BCAS3: variants seen among roughly 807,000 people sequenced by gnomAD.
BCAS3 encodes BCAS4/BCAS3 fusion.
BCAS3 carries 53 observed loss-of-function variants against 116.1 expected under a neutral mutation model. The ratio of observed to expected loss-of-function variants is 0.46; its 90% CI spans 0.37 to 0.57. The LOEUF is 0.57. Ranked by LOEUF, BCAS3 falls within the 20% of genes least tolerant of loss-of-function variation. The pLI, the probability that BCAS3 is intolerant of heterozygous loss-of-function variation, is 0.00. For missense variants in BCAS3, 917 were observed against 1,165.4 expected, an observed-to-expected ratio of 0.79 and a Z score of 3.10; for synonymous variants, 391 against 408.2, an observed-to-expected ratio of 0.96 and a Z score of 0.51.
At chr17:61,182,529 A>G (rs1225372091) in intron 22 of BCAS3, among the ~76,000 whole-genome samples, 2 of 152,176 alleles carry the variant, frequency 1.3e-5, no homozygotes, top group Non-Finnish European at 2.9e-5. Flanking sequence ...TATAATTTAC[A>G]TACAATACAA....
intron 22 of BCAS3, among the ~76,000 whole-genome samples, chr17:61,138,320 A>G (rs1332703195): frequency 1.3e-5 from 2 of 152,228 alleles, no homozygotes; most frequent in Non-Finnish European, 1.5e-5. Context: ...CACAAACTTA[A>G]GTTTATCCCC....
chr17:61,077,790 G>T lies in BCAS3; in HGVS notation c.2131-543G>T, dbSNP rs1313424693. Among the ~76,000 whole-genome samples the T allele has an allele frequency of 6.6e-6, 1 of 152,102 alleles. No homozygotes were observed. Among genetic ancestry groups the T allele is most frequent in the African/African-American group, 2.4e-5 (1 of 41,424 alleles). On this transcript the variant is annotated intron_variant, in intron 20 of 23. Transcript: ENST00000407086. The surrounding 1 kb of genome is among the most constrained non-coding windows in gnomAD (Gnocchi z 4.3). ...ATAATAAATATTATAATATTTTATT[G>T]TGGAAATAAAGTGGCTTTGGGCATT...
At chr17:60,726,628 G>T (rs935516938) in intron 5 of BCAS3, among the ~76,000 whole-genome samples, 3 of 151,734 alleles carry the variant, frequency 2.0e-5, no homozygotes, top group African/African-American at 7.3e-5. Flanking sequence ...TCCTGCCTCA[G>T]CCTCCCGAGT....
chr17:60,721,039 T>G (rs997188341), intron 5 of BCAS3, among the ~76,000 whole-genome samples: 7 of 152,180 alleles, frequency 4.6e-5, no homozygotes, highest in Non-Finnish European at 1.0e-4. Context: ...CACTAAAAGC[T>G]TTAGAGCAAA....
chr17:60,701,420 C>T (rs569335378), intron 4 of BCAS3, among the ~76,000 whole-genome samples: 3 of 152,080 alleles, frequency 2.0e-5, no homozygotes, highest in Middle Eastern at 3.4e-3. Flanking sequence ...GTAACCAACA[C>T]CAAAAAAATA....
intron 8 of BCAS3, among the ~76,000 whole-genome samples, chr17:60,873,385 CT>C (rs2055305593): frequency 1.3e-5 from 2 of 152,002 alleles, no homozygotes; most frequent in Admixed American, 6.6e-5. Context: ...ATACATTTTC[CT>C]TTTTTTATAC....
chr17:61,265,815 G>C lies in BCAS3; in HGVS notation c.2426-102512G>C, dbSNP rs1484643335. ...CCTTTGTTCTAAAAAAAAAATCTTT[G>C]ACTCCACCATTTTTATAATAAACAC... On this transcript the variant is annotated intron_variant, in intron 22 of 23. Transcript: ENST00000407086. This position sits in a 1 kb window ranked among gnomAD's most constrained non-coding sequence, Gnocchi z 4.3. Among the ~76,000 whole-genome samples, 2 of 151,728 alleles carry C rather than the reference G, an allele frequency of 1.3e-5. No homozygotes were observed. Among genetic ancestry groups the C allele is most frequent in the African/African-American group, 2.4e-5 (1 of 41,290 alleles).
intron 22 of BCAS3, among the ~76,000 whole-genome samples, chr17:61,306,666 C>T (rs1465287498): frequency 6.6e-6 from 1 of 151,942 alleles, no homozygotes; most frequent in Non-Finnish European, 1.5e-5. Context: ...GTAGATCCTA[C>T]TCGGGAGGCT....
Position 61,281,154 on chromosome 17 carries a change from T to G in BCAS3, c.2426-87173T>G, listed in dbSNP as rs1454299845. Among the ~76,000 whole-genome samples the G allele has an allele frequency of 6.6e-6, 1 of 152,250 alleles. No homozygotes were observed. Among genetic ancestry groups the G allele is most frequent in the Non-Finnish European group, 1.5e-5 (1 of 68,046 alleles). On this transcript the variant is annotated intron_variant, in intron 22 of 23. Coordinates refer to ENST00000407086, the MANE Select transcript of BCAS3 (RefSeq NM_017679.5). This position sits in a 1 kb window ranked among gnomAD's most constrained non-coding sequence, Gnocchi z 4.2. ...ACTCTTTCCATATATCAATACATCT[T>G]GGAGATTTTTCCTTTTTTAGTATTT... is the stretch of plus-strand genomic sequence containing the variant.
intron 21 of BCAS3, among the ~76,000 whole-genome samples, chr17:61,080,881 T>C (rs1353922452): frequency 1.3e-5 from 2 of 152,230 alleles, no homozygotes; most frequent in African/African-American, 4.8e-5. Context: ...TTTTCTTCTC[T>C]GCATTTTTTT....
At position 61,300,166 on chromosome 17, in the gene BCAS3, C is replaced by T. The variant is rs901465584; in HGVS notation, c.2426-68161C>T. Among the ~76,000 whole-genome samples the T allele has an allele frequency of 2.0e-5, 3 of 152,144 alleles. No individual in the cohort carries two copies. The highest frequency in any genetic ancestry group is 2.0e-4 in the Admixed American group (3 of 15,272). On this transcript the variant is annotated intron_variant, in intron 22 of 23. Transcript: ENST00000407086. This position sits in a 1 kb window ranked among gnomAD's most constrained non-coding sequence, Gnocchi z 5.1. The stretch of plus-strand genomic sequence containing the variant: ...GTTGCATTATTAGAAGTAAATACAG[C>T]TTATACTGAAAGGACAAAACAGCCA...
chr17:61,045,912 T>TATATAATATATATAAATATATA lies in BCAS3; in HGVS notation c.2029+5020_2029+5021insATATAATATATATAAATATATA, dbSNP rs1491467384. On this transcript the variant is annotated intron_variant, in intron 19 of 23. Transcript: ENST00000407086. Reference sequence around the variant, plus strand: ...TATATATAATATATATAAATATATATTTATATATATAATATATATAAATAT... The same window carrying TATATAATATATATAAATATATA: ...TATATATAATATATATAAATATATATATATAATATATATAAATATATATTATATATATAATATATATAAATAT... 6.8e-5 allele frequency among the ~76,000 whole-genome samples: 2 copies of TATATAATATATATAAATATATA among 29,250 alleles called. 1 individual carries two copies. Among genetic ancestry groups the TATATAATATATATAAATATATA allele is most frequent in the African/African-American group, 8.5e-4 (2 of 2,348 alleles). 19.2% of individuals were successfully genotyped at this position (29,250 alleles called of 152,430 possible).
chr17:60,695,144 G>A (rs1457621470), intron 4 of BCAS3, among the ~76,000 whole-genome samples: 2 of 117,358 alleles, frequency 1.7e-5, no homozygotes, highest in Non-Finnish European at 1.7e-5. Flanking sequence ...TTTTTGAGAT[G>A]GAGTCTCGCT....
At chr17:60,690,723 C>CCAGCCTGGCCAA (rs1668382354) in intron 4 of BCAS3, among the ~76,000 whole-genome samples, 2 of 151,972 alleles carry the variant, frequency 1.3e-5, no homozygotes, top group Non-Finnish European at 2.9e-5. Context: ...GAGTTCAAGA[C>CCAGCCTGGCCAA]CAGCCTGGCC....
chr17:61,342,236 A>G (rs2057214074), intron 22 of BCAS3, among the ~76,000 whole-genome samples: 1 of 152,180 alleles, frequency 6.6e-6, no homozygotes, highest in Non-Finnish European at 1.5e-5. Flanking sequence ...CTGGCACCAT[A>G]CACAACGGTG....
chr17:61,176,361 T>G (rs2079146566), intron 22 of BCAS3, among the ~76,000 whole-genome samples: 1 of 67,328 alleles, frequency 1.5e-5, no homozygotes, highest in African/African-American at 4.0e-5. Flanking sequence ...CCAGAAAATT[T>G]TTTTCTTCCT....
At chr17:60,741,857 T>C (rs1568145529) in intron 5 of BCAS3, among the ~76,000 whole-genome samples, 1 of 152,230 alleles carries the variant, frequency 6.6e-6, no homozygotes, top group Non-Finnish European at 1.5e-5. Flanking sequence ...CTACTAGATA[T>C]ATATCCAAGA....
chr17:60,947,125 T>C lies in BCAS3; in HGVS notation c.1088-94T>C, dbSNP rs1415865366. 3 of 1,268,402 alleles carry C rather than the reference T, an allele frequency of 2.4e-6. No homozygotes were observed. In the African/African-American group the frequency reaches 4.5e-5, roughly 19 times the overall value. 78.6% of individuals were successfully genotyped at this position (1,268,402 alleles called of 1,614,324 possible). A position where few individuals can be genotyped will look rare whatever the true frequency, so the allele number is the denominator to read the frequency against. ...ATAGCCTTGGTAATTTTTTTCCCAT[T>C]GGTAATATTTTAAATATTGTGAATA... On this transcript the variant is annotated intron_variant, in intron 13 of 23. Coordinates refer to ENST00000407086, the MANE Select transcript of BCAS3 (RefSeq NM_017679.5).
At chr17:61,014,782 C>G (rs559432025) in intron 15 of BCAS3, among the ~76,000 whole-genome samples, 1 of 152,048 alleles carries the variant, frequency 6.6e-6, no homozygotes, top group South Asian at 2.1e-4. Flanking sequence ...AGGAGCTCAG[C>G]AAAGTTGTAG....
Sources: allele counts gnomAD v4.1 joint callset (sites outside exome capture counted in the v4.1 genomes callset), GRCh38; gene constraint gnomAD v4.1.1; non-coding constraint Gnocchi (gnomAD v3.1); transcripts MANE v1.5; gene names NCBI Gene and HGNC (gene_info 2026-07-23, HGNC 2026-07-21).